NRG1: variants seen among roughly 807,000 people sequenced by gnomAD.
The protein encoded by NRG1 is pro-neuregulin-1, membrane-bound isoform.
A neutral mutation model predicts 63.8 loss-of-function variants in NRG1; 18 were observed. That is an observed-to-expected ratio of 0.28 (90% CI 0.19 to 0.42). The LOEUF (loss-of-function observed/expected upper bound fraction) is 0.42, where lower values mean the gene tolerates loss of function less well. Ranked by LOEUF, NRG1 falls within the 10% of genes least tolerant of loss-of-function variation. The pLI is 1.00. For missense variants in NRG1, 762 were observed against 814.7 expected (o/e 0.94, Z 0.79); for synonymous variants, 302 against 301.3 (o/e 1.00, Z -0.02).
chr8:32,609,863 G>A (rs1846058796), intron 3 of NRG1, among the ~76,000 whole-genome samples: 1 of 151,198 alleles, frequency 6.6e-6, no homozygotes, highest in African/African-American at 2.4e-5. Flanking sequence ...TGTAGACAAG[G>A]TTTCGCCATG....
At chr8:32,551,721 A>G (rs1306900972) in intron 1 of NRG1, among the ~76,000 whole-genome samples, 1 of 152,116 alleles carries the variant, frequency 6.6e-6, no homozygotes, top group Non-Finnish European at 1.5e-5. Context: ...CCTTGGAGTC[A>G]TTGATTCCTT....
chr8:31,979,212 C>T (rs1044092688), intron 1 of NRG1, among the ~76,000 whole-genome samples: 6 of 152,112 alleles, frequency 3.9e-5, no homozygotes, highest in African/African-American at 1.4e-4. Flanking sequence ...CCCAGGAATC[C>T]TGACTTCATT....
intron 1 of NRG1, among the ~76,000 whole-genome samples, chr8:31,950,854 C>G (rs1467911344): frequency 6.6e-6 from 1 of 152,106 alleles, no homozygotes; most frequent in Admixed American, 6.5e-5. Context: ...TTTGGCCTCC[C>G]CAGTGTCAGT....
chr8:32,690,837 T>C (rs1029160838), intron 5 of NRG1, among the ~76,000 whole-genome samples: 2 of 151,934 alleles, frequency 1.3e-5, no homozygotes, highest in Non-Finnish European at 2.9e-5. Context: ...TTAAGGTGAT[T>C]TTATTTTATT....
chr8:31,659,954 C>T (rs1805808336), intron 1 of NRG1, among the ~76,000 whole-genome samples: 1 of 152,100 alleles, frequency 6.6e-6, no homozygotes, highest in African/African-American at 2.4e-5. Context: ...TTGACAATAT[C>T]CCCAGAGATT....
At chr8:32,185,650 G>A (rs556853103) in intron 1 of NRG1, among the ~76,000 whole-genome samples, 1 of 152,190 alleles carries the variant, frequency 6.6e-6, no homozygotes, top group Admixed American at 6.5e-5. Context: ...GAAGCTGTAA[G>A]TATAATTCCG....
chr8:31,819,400 G>A (rs1267101432), intron 1 of NRG1, among the ~76,000 whole-genome samples: 1 of 152,094 alleles, frequency 6.6e-6, no homozygotes, highest in Non-Finnish European at 1.5e-5. Context: ...ACTATAGGTT[G>A]GTCTATACAT....
chr8:32,448,517 T>A (rs1172144704), intron 1 of NRG1, among the ~76,000 whole-genome samples: 3 of 152,184 alleles, frequency 2.0e-5, no homozygotes, highest in Non-Finnish European at 4.4e-5. Flanking sequence ...GGGAGGAGGA[T>A]CCAAAGTCTT....
At chr8:31,691,830 A>G (rs146603999) in intron 1 of NRG1, among the ~76,000 whole-genome samples, 11 of 151,932 alleles carry the variant, frequency 7.2e-5, no homozygotes, top group African/African-American at 2.4e-4. Context: ...TTATTCCTAT[A>G]CTTTTTATTT....
At chr8:32,142,724 C>A (rs967217396) in intron 1 of NRG1, among the ~76,000 whole-genome samples, 5 of 152,114 alleles carry the variant, frequency 3.3e-5, no homozygotes, top group African/African-American at 1.2e-4. Flanking sequence ...CTTGAACTTA[C>A]AAATGATTCA....
At chr8:32,678,685 A>G (rs1374409899) in intron 5 of NRG1, among the ~76,000 whole-genome samples, 1 of 152,138 alleles carries the variant, frequency 6.6e-6, no homozygotes, top group African/African-American at 2.4e-5. Flanking sequence ...GTTAAATTGG[A>G]CTTCCGGGCT....
chr8:32,525,388 A>AGG (rs201620757), intron 1 of NRG1, among the ~76,000 whole-genome samples: 26,617 of 114,090 alleles, frequency 0.23, 2,564 homozygotes, highest in South Asian at 0.36. Context: ...AGCATGAGGT[A>AGG]GGGGTGTGTG....
At chr8:32,113,757 A>G (rs1585383745) in intron 1 of NRG1, among the ~76,000 whole-genome samples, 1 of 152,186 alleles carries the variant, frequency 6.6e-6, no homozygotes, top group African/African-American at 2.4e-5. Flanking sequence ...TTAGAACACA[A>G]AATAACTTAG....
At chr8:31,959,222 G>A (rs1008809631) in intron 1 of NRG1, among the ~76,000 whole-genome samples, 7 of 152,092 alleles carry the variant, frequency 4.6e-5, no homozygotes, top group African/African-American at 1.7e-4. Flanking sequence ...AGTTCTGTTG[G>A]CATACACATT....
chr8:32,533,513 G>T (rs185784620), intron 1 of NRG1, among the ~76,000 whole-genome samples: 1 of 151,842 alleles, frequency 6.6e-6, no homozygotes, highest in Non-Finnish European at 1.5e-5. Flanking sequence ...CACAGAACAC[G>T]CTGTTTTAGG....
At chr8:31,658,290 G>A (rs1585455138) in intron 1 of NRG1, among the ~76,000 whole-genome samples, 1 of 152,202 alleles carries the variant, frequency 6.6e-6, no homozygotes, top group East Asian at 1.9e-4. Flanking sequence ...TTGAATTAAG[G>A]GTCAGGCATT....
intron 5 of NRG1, among the ~76,000 whole-genome samples, chr8:32,644,149 A>G (rs1380174127): frequency 1.3e-5 from 2 of 152,210 alleles, no homozygotes; most frequent in Non-Finnish European, 2.9e-5. Flanking sequence ...TTATGAACCT[A>G]GCAGAGTGCC....
chr8:32,684,240 T>A (rs1454285786), intron 5 of NRG1, among the ~76,000 whole-genome samples: 1 of 152,186 alleles, frequency 6.6e-6, no homozygotes, highest in Non-Finnish European at 1.5e-5. Context: ...TACATTACCA[T>A]TTTAAAAAAT....
intron 1 of NRG1, among the ~76,000 whole-genome samples, chr8:32,050,629 G>A (rs747870130): frequency 6.6e-6 from 1 of 151,982 alleles, no homozygotes; most frequent in Non-Finnish European, 1.5e-5. Flanking sequence ...CTGCTAAGAA[G>A]AAAACTGTAT....
Sources: gnomAD v4.1 joint callset for allele counts (sites outside exome capture counted in the v4.1 genomes callset) on GRCh38, gnomAD v4.1.1 for gene constraint, MANE v1.5 for transcripts, NCBI Gene and HGNC (gene_info 2026-07-23, HGNC 2026-07-21) for gene names.